Variants in CERT1 observed in about 807,000 individuals in gnomAD.
CERT1 encodes the protein ceramide transporter 1.
Under a neutral mutation model 87.9 loss-of-function variants are expected in CERT1, and 31 were observed. The ratio of observed to expected loss-of-function variants is 0.35; its 90% CI spans 0.27 to 0.48. The LOEUF is 0.48. CERT1 is among the 20% of genes least tolerant of loss of function. The pLI, the probability that CERT1 is intolerant of heterozygous loss-of-function variation, is 0.99. For synonymous variants in CERT1, 289 were observed against 250.9 expected, an observed-to-expected ratio of 1.15 and a Z score of -1.44; for missense variants, 487 against 758.0, an observed-to-expected ratio of 0.64 and a Z score of 4.20.
chr5:75,424,811 G>C (rs528042782), intron 5 of CERT1, among the ~76,000 whole-genome samples: 14 of 152,202 alleles, frequency 9.2e-5, no homozygotes, highest in South Asian at 6.2e-4. Context: ...ATGGAATAAA[G>C]AGTATCATTT....
intron 2 of CERT1, among the ~76,000 whole-genome samples, chr5:75,494,932 T>C (rs900305068): frequency 2.6e-5 from 4 of 152,224 alleles, no homozygotes; most frequent in African/African-American, 9.6e-5. Flanking sequence ...GTGAAACTAT[T>C]TGAAGTCTTT....
At chr5:75,472,398 T>C (rs919616462) in intron 2 of CERT1, among the ~76,000 whole-genome samples, 16 of 152,082 alleles carry the variant, frequency 1.1e-4, no homozygotes, top group Non-Finnish European at 2.1e-4. Flanking sequence ...CTCAAAAGCA[T>C]AGGCAACAAA....
chr5:75,403,692 G>T (rs1398113986), intron 8 of CERT1, among the ~76,000 whole-genome samples: 1 of 152,210 alleles, frequency 6.6e-6, no homozygotes, highest in Non-Finnish European at 1.5e-5. Context: ...AAGTTGAGTT[G>T]ATGCTTGATA....
At chr5:75,410,067 A>G (rs939298286) in intron 8 of CERT1, among the ~76,000 whole-genome samples, 5 of 152,104 alleles carry the variant, frequency 3.3e-5, no homozygotes, top group African/African-American at 1.2e-4. Context: ...GGCCTCTCAA[A>G]GTGCTGGGAT....
intron 2 of CERT1, among the ~76,000 whole-genome samples, chr5:75,487,886 C>A (rs75269514): frequency 8.6e-5 from 13 of 151,946 alleles, no homozygotes; most frequent in Non-Finnish European, 1.6e-4. Context: ...AAAAAGGATG[C>A]GATCCTGTCA....
intron 11 of CERT1, among the ~76,000 whole-genome samples, chr5:75,391,639 C>T (rs1308800893): frequency 6.6e-6 from 1 of 152,114 alleles, no homozygotes; most frequent in East Asian, 1.9e-4. Flanking sequence ...ATGCAGGATT[C>T]CAAATTACTA....
chr5:75,444,911 AT>A (rs575379051), intron 3 of CERT1, among the ~76,000 whole-genome samples: 8 of 151,696 alleles, frequency 5.3e-5, no homozygotes, highest in Non-Finnish European at 8.8e-5. Flanking sequence ...TTCTATACCT[AT>A]TTTTTTTGTG....
At chr5:75,499,526 G>A (rs1302104513) in intron 2 of CERT1, among the ~76,000 whole-genome samples, 4 of 152,100 alleles carry the variant, frequency 2.6e-5, no homozygotes, top group Non-Finnish European at 5.9e-5. Flanking sequence ...TAAGTTTCCT[G>A]AGGCCTCCCC....
rs2111982291 is a variant in CERT1, at chr5:75,379,364, T to C, written c.1857A>G (p.Gly619=). The C allele has an allele frequency of 6.2e-7, 1 of 1,613,506 alleles. No homozygotes were observed. The highest frequency in any genetic ancestry group is 2.2e-5 in the East Asian group (1 of 44,866). Residue 619 remains glycine (G), a synonymous_variant, in exon 17 of 17, where the codon GGA becomes GGG. Transcript: ENST00000643780. ...GTTAATACTAGAACAAAATAGGCTTTCCTGCAGTTTTTTCTTGGACGTAAG... is the reference window on the plus strand; with the variant it reads ...GTTAATACTAGAACAAAATAGGCTTCCCTGCAGTTTTTTCTTGGACGTAAG... ...FTSYVQEKTA[G]KPILF is the part of the protein sequence containing the mutation.
intron 3 of CERT1, among the ~76,000 whole-genome samples, chr5:75,430,055 G>A (rs987850356): frequency 6.6e-6 from 1 of 151,958 alleles, no homozygotes; most frequent in Non-Finnish European, 1.5e-5. Flanking sequence ...ATGACGAGAG[G>A]AGGAAAGGAA....
At chr5:75,448,628 T>C (rs1764648525) in intron 3 of CERT1, among the ~76,000 whole-genome samples, 1 of 152,216 alleles carries the variant, frequency 6.6e-6, no homozygotes, top group African/African-American at 2.4e-5. Context: ...AAACAGTTTA[T>C]ATTGCTGTCA....
chr5:75,461,591 G>C lies in CERT1; in HGVS notation c.232-2410C>G, dbSNP rs144520573. Among the ~76,000 whole-genome samples the C allele has an allele frequency of 3.7e-3, 566 of 152,202 alleles. 1 individual carries two copies. The highest frequency in any genetic ancestry group is 0.013 in the African/African-American group (551 of 41,530). On this transcript the variant is annotated intron_variant, in intron 2 of 16. Transcript: ENST00000643780. ...ATTTCCAGCCAGTATTTCTTAAAAT[G>C]TTTTACATTTTGTAATGTGTTAAAT...
intron 2 of CERT1, among the ~76,000 whole-genome samples, chr5:75,475,800 A>C (rs1765928204): frequency 1.3e-5 from 2 of 152,078 alleles, no homozygotes; most frequent in East Asian, 3.8e-4. Flanking sequence ...CAGAGGTCAC[A>C]GATGGTATAT....
chr5:75,436,064 G>A (rs1323085853), intron 3 of CERT1, among the ~76,000 whole-genome samples: 1 of 152,114 alleles, frequency 6.6e-6, no homozygotes, highest in Admixed American at 6.6e-5. Context: ...ACGGAGGATC[G>A]CTCTGTCACA....
intron 12 of CERT1, among the ~76,000 whole-genome samples, chr5:75,388,628 A>ATATATATATATATATC (rs1225349280): frequency 5.7e-5 from 6 of 104,532 alleles, no homozygotes; most frequent in Non-Finnish European, 1.1e-4. Flanking sequence ...ATATATATAT[A>ATATATATATATATATC]TATATATATA....
intron 3 of CERT1, among the ~76,000 whole-genome samples, chr5:75,443,960 C>G (rs891054147): frequency 3.3e-5 from 5 of 152,192 alleles, no homozygotes; most frequent in African/African-American, 1.2e-4. Flanking sequence ...ATAGCTAACC[C>G]TGCTCTCTTT....
chr5:75,379,185 C>A lies in CERT1; in HGVS notation c.*161G>T, dbSNP rs1761452198. 11 of 665,160 alleles carry A rather than the reference C, an allele frequency of 1.7e-5. No individual in the cohort carries two copies. In the South Asian group the frequency reaches 2.3e-4, roughly 14 times the overall value. The allele number at this position is 665,160 out of a possible 1,614,324, so 41.2% of individuals were successfully genotyped here. On this transcript the variant is annotated 3_prime_UTR_variant, in exon 17 of 17. Coordinates refer to ENST00000643780, the MANE Select transcript of CERT1 (RefSeq NM_001379029.1). ...AAACAGAGCAAGACCCTGTTTAAAA[C>A]AACAACAACGACAACAACAAAAACC...
intron 9 of CERT1, chr5:75,402,715 G>T: frequency 4.1e-6 from 1 of 245,736 alleles, no homozygotes; most frequent in Non-Finnish European, 8.0e-6. Context: ...CAGAAGAATC[G>T]CTTGAACCCA....
intron 10 of CERT1, among the ~76,000 whole-genome samples, chr5:75,399,847 A>G (rs1211076657): frequency 2.0e-5 from 3 of 152,192 alleles, no homozygotes; most frequent in Non-Finnish European, 4.4e-5. Context: ...ATATACTACA[A>G]GATATTTCCG....
Sources: allele counts gnomAD v4.1 joint callset (sites outside exome capture counted in the v4.1 genomes callset), GRCh38; gene constraint gnomAD v4.1.1; transcripts MANE v1.5; gene names NCBI Gene and HGNC (gene_info 2026-07-23, HGNC 2026-07-21).